Variants in RNPS1 observed in about 807,000 individuals in gnomAD.
RNPS1 encodes the protein RNA binding protein with serine rich domain 1.
For missense variants in RNPS1, 300 were observed against 427.6 expected (o/e 0.70, Z 2.63); for synonymous variants, 147 against 150.0 (o/e 0.98, Z 0.15).
intron 6 of RNPS1, among the ~76,000 whole-genome samples, chr16:2,262,036 G>T (rs913227334): frequency 6.6e-6 from 1 of 152,162 alleles, no homozygotes; most frequent in Non-Finnish European, 1.5e-5. Flanking sequence ...CCTTTTCCCT[G>T]CAACTGGTTG....
Position 2,264,274 on chromosome 16 carries a change from T to G in RNPS1, c.129A>C (p.Ser43=). 6.2e-7 allele frequency: 1 copy of G among 1,614,224 alleles called. No individual in the cohort carries two copies. Among genetic ancestry groups the G allele is most frequent in the Non-Finnish European group, 8.5e-7 (1 of 1,180,042 alleles). The change falls in exon 3 of 8, where the codon TCA becomes TCC. Residue 43 remains serine (S), a synonymous_variant. Coordinates refer to ENST00000320225, the MANE Select transcript of RNPS1 (RefSeq NM_080594.4). ...DRSDEKSKDR[S]KDKGATKESS... is the part of the protein sequence containing the mutation. ...ACTCCTTGGTGGCCCCTTTATCTTT[T>G]GAGCGATCCTTGGACTTCTCATCTG...
At chr16:2,264,400 G>A (rs161431) in intron 2 of RNPS1, 69 bp from the exon 3 acceptor site, 278,350 of 1,604,190 alleles carry the variant, frequency 0.17, 26,220 homozygotes, top group Non-Finnish European at 0.19. Context: ...AACCCAAAAC[G>A]GGGGATCAGC....
At chr16:2,257,531 C>T (rs1488077255) in intron 6 of RNPS1, 1 of 152,082 alleles carries the variant, frequency 6.6e-6, no homozygotes, top group Non-Finnish European at 1.5e-5. Context: ...GAAGGGGAGA[C>T]ACACAAAAAA....
intron 4 of RNPS1, 120 bp downstream of exon 4, chr16:2,262,976 T>G: frequency 7.5e-7 from 1 of 1,325,588 alleles, no homozygotes. Context: ...ACATACATTA[T>G]TCCTGTCTCA....
rs548323072 is a variant in RNPS1, at chr16:2,265,862, G to A, written c.-117-1102C>T. 15 of 152,794 alleles carry A rather than the reference G, an allele frequency of 9.8e-5. No homozygotes were observed. In the East Asian group the frequency reaches 2.9e-3, roughly 29 times the overall value. 9.5% of individuals were successfully genotyped at this position (152,794 alleles called of 1,614,324 possible). On this transcript the variant is annotated intron_variant, in intron 1 of 7. Coordinates refer to ENST00000320225, the MANE Select transcript of RNPS1 (RefSeq NM_080594.4). Reference sequence around the variant, plus strand: ...TTTTAACATTTTTCAAAAATAAGATGGAGAAAAAAAGTAGGCATTGAAATT... The same window carrying A: ...TTTTAACATTTTTCAAAAATAAGATAGAGAAAAAAAGTAGGCATTGAAATT...
In RNPS1 at chr16:2,265,507, C is replaced by G. The variant is rs2093621718; in HGVS notation, c.-117-747G>C. ...TCTGATTTTTTTTTTTTTTTTGAGA[C>G]AGAGTCTTGCTCTGTCACCCAGGCT... On this transcript the variant is annotated intron_variant, in intron 1 of 7. Transcript: ENST00000320225. 3 of 138,624 alleles carry G rather than the reference C, an allele frequency of 2.2e-5. No individual in the cohort carries two copies. The South Asian group carries it at 6.8e-4, about 32-fold the overall frequency. The allele number at this position is 138,624 out of a possible 1,614,324, so 8.6% of individuals were successfully genotyped here. A position where few individuals can be genotyped will look rare whatever the true frequency, so the allele number is the denominator to read the frequency against.
intron 6 of RNPS1, among the ~76,000 whole-genome samples, chr16:2,261,954 C>T (rs2093604788): frequency 6.6e-6 from 1 of 152,200 alleles, no homozygotes; most frequent in South Asian, 2.1e-4. Context: ...TATGTATAGA[C>T]ATATAGCTTA....
chr16:2,263,905 T>G (rs905831283), intron 3 of RNPS1: 3 of 337,032 alleles, frequency 8.9e-6, no homozygotes, highest in Non-Finnish European at 1.6e-5. Flanking sequence ...TTTTTTTTTT[T>G]TTTTTGTAGA....
chr16:2,259,197 G>T (rs1029004014), intron 6 of RNPS1, among the ~76,000 whole-genome samples: 2 of 151,302 alleles, frequency 1.3e-5, no homozygotes, highest in Non-Finnish European at 2.9e-5. Flanking sequence ...TGGCTTATTT[G>T]GTACCAAAAA....
chr16:2,265,672 A>T (rs190285391), intron 1 of RNPS1: 1 of 152,214 alleles, frequency 6.6e-6, no homozygotes. Context: ...TTCAGTAGAG[A>T]CAGGGTTTCA....
intron 1 of RNPS1, chr16:2,267,146 G>A (rs930123711): frequency 1.0e-6 from 1 of 976,770 alleles, no homozygotes. Context: ...TCGAGTGCTA[G>A]AAAGCAAAAG....
Position 2,264,501 on chromosome 16 carries a change from T to C in RNPS1, c.71+72A>G, listed in dbSNP as rs151144806. 6.2e-5 allele frequency: 97 copies of C among 1,557,948 alleles called. No individual in the cohort carries two copies. The East Asian group carries it at 1.4e-3, about 22-fold the overall frequency. ...CTGTAGAATGCAGAACATTCTCAAC[T>C]TTCCCCTTTCTGCGGGTCCCTAGCA... On this transcript the variant is annotated intron_variant, in intron 2 of 7. Transcript: ENST00000320225.
intron 3 of RNPS1, among the ~76,000 whole-genome samples, chr16:2,263,734 TC>T (rs2141579853): frequency 6.6e-6 from 1 of 152,178 alleles, no homozygotes; most frequent in East Asian, 1.9e-4. Context: ...TGACTCAGCC[TC>T]CCGAGTAGCT....
intron 7 of RNPS1, 108 bp from the exon 8 acceptor site, chr16:2,254,171 C>G: frequency 1.2e-6 from 1 of 800,476 alleles, no homozygotes; most frequent in Non-Finnish European, 1.9e-6. Flanking sequence ...GAATATCACT[C>G]TGTCTCCAGG....
intron 6 of RNPS1, among the ~76,000 whole-genome samples, chr16:2,260,128 TTG>T (rs373510877): frequency 7.3e-5 from 11 of 150,724 alleles, no homozygotes; most frequent in South Asian, 2.1e-4. Context: ...TGGAAACTAT[TTG>T]TGTGTGTGTG....
At chr16:2,264,454 G>A (rs1348942219) in intron 2 of RNPS1, 119 bp downstream of exon 2, 10 of 1,532,336 alleles carry the variant, frequency 6.5e-6, no homozygotes, top group East Asian at 2.3e-5. Flanking sequence ...AGAGCAAAGT[G>A]GTCTGTGGCT....
intron 4 of RNPS1, 63 bp downstream of exon 4, chr16:2,263,033 C>T: frequency 1.3e-6 from 2 of 1,553,730 alleles, no homozygotes; most frequent in Non-Finnish European, 1.8e-6. Flanking sequence ...CCTTTTATAA[C>T]CTCGATGGTA....
intron 6 of RNPS1, among the ~76,000 whole-genome samples, chr16:2,259,929 G>A (rs1168760854): frequency 6.6e-6 from 1 of 152,090 alleles, no homozygotes; most frequent in African/African-American, 2.4e-5. Context: ...ATCAAGCAGG[G>A]CAGAAATTAA....
chr16:2,255,185 G>A (rs191267612), intron 7 of RNPS1, among the ~76,000 whole-genome samples: 66 of 152,282 alleles, frequency 4.3e-4, no homozygotes, highest in African/African-American at 1.3e-3. Flanking sequence ...GCTCACCACC[G>A]GCAACGGAAG....
Sources: allele counts gnomAD v4.1 joint callset (sites outside exome capture counted in the v4.1 genomes callset), GRCh38; gene constraint gnomAD v4.1.1; transcripts MANE v1.5; gene names NCBI Gene and HGNC (gene_info 2026-07-23, HGNC 2026-07-21).